SYT1: variants seen among roughly 807,000 people sequenced by gnomAD.
The protein encoded by SYT1 is synaptotagmin-1.
Under a neutral mutation model 44.8 loss-of-function variants are expected in SYT1, and 8 were observed. That is an observed-to-expected ratio of 0.18 (90% CI 0.10 to 0.32). The LOEUF is 0.32. SYT1 is among the 10% of genes least tolerant of loss of function. SYT1 has a pLI of 1.00. For synonymous variants in SYT1, 154 were observed against 188.8 expected, an observed-to-expected ratio of 0.82 and a Z score of 1.51; for missense variants, 286 against 509.3, an observed-to-expected ratio of 0.56 and a Z score of 4.22.
chr12:79,084,019 T>A (rs952012), intron 3 of SYT1, among the ~76,000 whole-genome samples: 1,621 of 152,280 alleles, frequency 0.011, 27 homozygotes, highest in African/African-American at 0.037. Context: ...GGGTGTCCTA[T>A]GTCACAGAAG....
At chr12:79,309,388 T>C (rs961957661) in intron 8 of SYT1, among the ~76,000 whole-genome samples, 3 of 140,010 alleles carry the variant, frequency 2.1e-5, no homozygotes, top group African/African-American at 5.1e-5. Flanking sequence ...TTTATGTTTC[T>C]TTTTTTTTTT....
At chr12:78,976,682 T>C (rs1234057724) in intron 1 of SYT1, 2 of 152,176 alleles carry the variant, frequency 1.3e-5, no homozygotes, top group Non-Finnish European at 2.9e-5. Flanking sequence ...GTAAAGACAG[T>C]AGAACGATGT....
intron 3 of SYT1, among the ~76,000 whole-genome samples, chr12:79,058,036 T>C (rs568407425): frequency 1.3e-5 from 2 of 152,184 alleles, no homozygotes; most frequent in Admixed American, 1.3e-4. Context: ...TGTATATTTA[T>C]GGATATATCC....
Position 79,115,039 on chromosome 12 carries a change from T to C in SYT1, c.-18+67677T>C, listed in dbSNP as rs144700817. Reference sequence around the variant, plus strand: ...ACCAGACCTCTCCCACTCTTTTCTCTTTAAAGTTGAAAATGCTGCAATTAT... The same window carrying C: ...ACCAGACCTCTCCCACTCTTTTCTCCTTAAAGTTGAAAATGCTGCAATTAT... On this transcript the variant is annotated intron_variant, in intron 3 of 10. Coordinates refer to ENST00000261205, the MANE Select transcript of SYT1 (RefSeq NM_005639.3). Among the ~76,000 whole-genome samples the C allele has an allele frequency of 2.6e-3, 401 of 152,316 alleles. 4 individuals carry two copies. Among genetic ancestry groups the C allele is most frequent in the South Asian group, 0.025 (119 of 4,828 alleles).
intron 8 of SYT1, among the ~76,000 whole-genome samples, chr12:79,310,376 A>C (rs1250567166): frequency 6.6e-6 from 1 of 151,972 alleles, no homozygotes; most frequent in Non-Finnish European, 1.5e-5. Flanking sequence ...ATTGATCTAT[A>C]TCTCTGTTTT....
At chr12:79,247,892 G>C (rs1048133470) in intron 4 of SYT1, among the ~76,000 whole-genome samples, 6 of 152,190 alleles carry the variant, frequency 3.9e-5, no homozygotes, top group African/African-American at 1.4e-4. Context: ...AAGTATGAAA[G>C]TAATAAGAGC....
In SYT1 at chr12:79,364,222, T is replaced by G. The variant is rs1336517373; in HGVS notation, c.928+10603T>G. On this transcript the variant is annotated intron_variant, in intron 9 of 10. Coordinates refer to ENST00000261205, the MANE Select transcript of SYT1 (RefSeq NM_005639.3). Reference sequence around the variant, plus strand: ...AGAAGATTTTACTTCCTTCCTTCATTTCCCCCCTCCCCACCCCCTTTAATG... The same window carrying G: ...AGAAGATTTTACTTCCTTCCTTCATGTCCCCCCTCCCCACCCCCTTTAATG... Among the ~76,000 whole-genome samples, 3 of 151,612 alleles carry G rather than the reference T, an allele frequency of 2.0e-5. No individual in the cohort carries two copies. In the East Asian group the frequency reaches 5.8e-4, roughly 29 times the overall value.
At chr12:79,273,123 T>TTC (rs1019650109) in intron 4 of SYT1, among the ~76,000 whole-genome samples, 32 of 147,224 alleles carry the variant, frequency 2.2e-4, no homozygotes, top group African/African-American at 6.2e-4. Context: ...TTTTCTTTCT[T>TTC]TTTTTTTTTT....
intron 3 of SYT1, among the ~76,000 whole-genome samples, chr12:79,124,431 C>T (rs572370709): frequency 8.0e-4 from 122 of 152,284 alleles, no homozygotes; most frequent in Non-Finnish European, 1.5e-3. Context: ...GAGATTACAA[C>T]TTACGACTCT....
intron 4 of SYT1, among the ~76,000 whole-genome samples, chr12:79,245,167 C>G (rs1456646469): frequency 6.6e-6 from 1 of 151,910 alleles, no homozygotes; most frequent in Non-Finnish European, 1.5e-5. Flanking sequence ...GCTTTGACTT[C>G]ATAAGAACTT....
chr12:79,101,324 C>A (rs1271190460), intron 3 of SYT1, among the ~76,000 whole-genome samples: 1 of 152,142 alleles, frequency 6.6e-6, no homozygotes, highest in Non-Finnish European at 1.5e-5. Flanking sequence ...ACACATGTTA[C>A]AAAATGGATG....
chr12:78,929,154 C>T (rs959454615), intron 1 of SYT1, among the ~76,000 whole-genome samples: 1 of 151,598 alleles, frequency 6.6e-6, no homozygotes, highest in African/African-American at 2.4e-5. Flanking sequence ...GTAATCTCAA[C>T]ACTTTGGGAG....
chr12:79,244,898 G>A (rs949564394), intron 4 of SYT1, among the ~76,000 whole-genome samples: 3 of 152,000 alleles, frequency 2.0e-5, no homozygotes, highest in Non-Finnish European at 4.4e-5. Flanking sequence ...ATAATGGAAT[G>A]AGAACTTTAA....
intron 2 of SYT1, among the ~76,000 whole-genome samples, chr12:79,031,102 A>C (rs910338129): frequency 4.0e-5 from 6 of 151,026 alleles, no homozygotes; most frequent in Non-Finnish European, 8.9e-5. Flanking sequence ...GATTTACATA[A>C]ATAACATCTA....
At chr12:79,213,621 A>T (rs1352675508) in intron 3 of SYT1, among the ~76,000 whole-genome samples, 1 of 152,232 alleles carries the variant, frequency 6.6e-6, no homozygotes, top group Non-Finnish European at 1.5e-5. Flanking sequence ...CTATGTACAT[A>T]AAAGAATATA....
At chr12:78,967,649 T>C (rs1240326750) in intron 1 of SYT1, among the ~76,000 whole-genome samples, 1 of 152,144 alleles carries the variant, frequency 6.6e-6, no homozygotes, top group Non-Finnish European at 1.5e-5. Flanking sequence ...GGGTTTAATA[T>C]ACCAGCAAGC....
intron 4 of SYT1, among the ~76,000 whole-genome samples, chr12:79,225,841 A>C (rs1194357011): frequency 6.6e-6 from 1 of 152,122 alleles, no homozygotes; most frequent in Non-Finnish European, 1.5e-5. Context: ...ACACTATTTA[A>C]AATTGCAATC....
intron 1 of SYT1, among the ~76,000 whole-genome samples, chr12:78,936,040 A>G (rs1054720884): frequency 3.9e-5 from 6 of 152,156 alleles, no homozygotes; most frequent in Admixed American, 1.3e-4. Context: ...GCCTTTGGAT[A>G]TAAGATTTTT....
At chr12:78,900,825 GGA>G (rs1272396686) in intron 1 of SYT1, among the ~76,000 whole-genome samples, 1 of 152,008 alleles carries the variant, frequency 6.6e-6, no homozygotes, top group African/African-American at 2.4e-5. Context: ...ACATGAATTT[GGA>G]TTCCTGTTGG....
Sources: gnomAD v4.1 joint callset for allele counts (sites outside exome capture counted in the v4.1 genomes callset) on GRCh38, gnomAD v4.1.1 for gene constraint, MANE v1.5 for transcripts, NCBI Gene and HGNC (gene_info 2026-07-23, HGNC 2026-07-21) for gene names.